The following LMO3 variants were observed in gnomAD, a reference collection of about 807,000 sequenced individuals.
LMO3 encodes LIM domain only 3.
In LMO3, 2 loss-of-function variants were observed where a neutral mutation model predicts 15.8. The ratio of observed to expected loss-of-function variants is 0.13; its 90% CI spans 0.05 to 0.40. LMO3 has a LOEUF of 0.40. LMO3 is among the 10% of genes least tolerant of loss of function. The probability of loss-of-function intolerance (pLI) is 0.99; values close to 1 mark genes in which losing one functional copy is unlikely to be tolerated. For missense variants in LMO3, 86 were observed against 182.2 expected, an observed-to-expected ratio of 0.47 and a Z score of 3.04; for synonymous variants, 62 against 63.8, an observed-to-expected ratio of 0.97 and a Z score of 0.13.
At position 16,551,207 on chromosome 12, in the gene LMO3, G is replaced by A. The variant is rs1337984048; in HGVS notation, c.*15C>T. ...ATGTAGTGCTTTGTATTCTTAATGGGGTGATGTTGATAGATCAGCGAACCT... is the reference window on the plus strand; with the variant it reads ...ATGTAGTGCTTTGTATTCTTAATGGAGTGATGTTGATAGATCAGCGAACCT... On this transcript the variant is annotated 3_prime_UTR_variant, in exon 4 of 4. Transcript: ENST00000537304. The A allele has an allele frequency of 6.9e-7, 1 of 1,451,112 alleles. No homozygotes were observed. The highest frequency in any genetic ancestry group is 1.4e-5 in the African/African-American group (1 of 71,710). 89.9% of individuals were successfully genotyped at this position (1,451,112 alleles called of 1,614,324 possible).
chr12:16,565,680 T>C (rs1235537065), intron 2 of LMO3, among the ~76,000 whole-genome samples: 1 of 152,040 alleles, frequency 6.6e-6, no homozygotes, highest in Non-Finnish European at 1.5e-5. Flanking sequence ...TCATGGATGA[T>C]TTTGAATTTT....
At chr12:16,551,699 G>A (rs1181750900) in intron 3 of LMO3, among the ~76,000 whole-genome samples, 1 of 151,680 alleles carries the variant, frequency 6.6e-6, no homozygotes, top group Non-Finnish European at 1.5e-5. Context: ...TTTCACTGCA[G>A]TAATTATGGA....
At chr12:16,558,655 A>G (rs1307734243) in intron 3 of LMO3, among the ~76,000 whole-genome samples, 1 of 152,154 alleles carries the variant, frequency 6.6e-6, no homozygotes, top group Non-Finnish European at 1.5e-5. Context: ...GAGTCAAGAC[A>G]TTGTAAGATA....
At chr12:16,558,965 T>TCA (rs1175066627) in intron 3 of LMO3, among the ~76,000 whole-genome samples, 1 of 152,146 alleles carries the variant, frequency 6.6e-6, no homozygotes. Context: ...ATACTCAAGA[T>TCA]CACACAGCTA....
intron 1 of LMO3, chr12:16,605,819 G>A: frequency 6.5e-7 from 1 of 1,535,290 alleles, no homozygotes; most frequent in South Asian, 1.2e-5. Flanking sequence ...AACATCTTCC[G>A]CCTGCATCTA....
chr12:16,604,642 G>A lies in LMO3; in HGVS notation c.-9+1424C>T, dbSNP rs1943929551. 3 of 572,958 alleles carry A rather than the reference G, an allele frequency of 5.2e-6. No homozygotes were observed. The South Asian group carries it at 6.8e-5, about 13-fold the overall frequency. 35.5% of individuals were successfully genotyped at this position (572,958 alleles called of 1,614,324 possible). ...GTTTATGCTCCAGCCTTTTGTGGTT[G>A]TGTCTTTGCAGCCACACAGGGATGG... On this transcript the variant is annotated intron_variant, in intron 1 of 3. Transcript: ENST00000537304. The surrounding 1 kb of genome is among the most constrained non-coding windows in gnomAD (Gnocchi z 5.3).
intron 2 of LMO3, among the ~76,000 whole-genome samples, chr12:16,580,829 C>T (rs1306342343): frequency 1.3e-5 from 2 of 152,074 alleles, no homozygotes; most frequent in Non-Finnish European, 2.9e-5. Flanking sequence ...CTTATAGTTG[C>T]TTTGCAATAA....
chr12:16,557,176 C>G (rs1942220949), intron 3 of LMO3, among the ~76,000 whole-genome samples: 1 of 152,034 alleles, frequency 6.6e-6, no homozygotes, highest in South Asian at 2.1e-4. Context: ...GGGTTTAGCA[C>G]TTGAATGTTT....
chr12:16,565,983 CATATATATATATATATAT>C (rs61358392), intron 2 of LMO3, among the ~76,000 whole-genome samples: 581 of 43,822 alleles, frequency 0.013, 9 homozygotes, highest in Middle Eastern at 0.022. Flanking sequence ...GAAAATGTGC[CATATATATATATATATAT>C]ATATATATAT....
chr12:16,549,732 C>T lies in LMO3; in HGVS notation c.*1490G>A, dbSNP rs1941916663. 1.3e-5 allele frequency: 2 copies of T among 152,022 alleles called. No individual in the cohort carries two copies. The highest frequency in any genetic ancestry group is 1.3e-4 in the Admixed American group (2 of 15,250). The allele number at this position is 152,022 out of a possible 1,614,324, so 9.4% of individuals were successfully genotyped here. On this transcript the variant is annotated 3_prime_UTR_variant, in exon 4 of 4. Transcript: ENST00000537304. ...AAATTAGATTTGTTGAAAAGTAGTT[C>T]TATTACAGGGAGCAAAAGCAAAGAA...
intron 2 of LMO3, among the ~76,000 whole-genome samples, chr12:16,571,913 T>C (rs773984577): frequency 6.6e-6 from 1 of 151,986 alleles, no homozygotes; most frequent in African/African-American, 2.4e-5. Flanking sequence ...GTATTTAAAA[T>C]ACATACACAT....
intron 2 of LMO3, among the ~76,000 whole-genome samples, chr12:16,579,844 T>C (rs758980358): frequency 3.4e-4 from 51 of 152,220 alleles, no homozygotes; most frequent in Non-Finnish European, 6.9e-4. Flanking sequence ...GACAATCTAA[T>C]TTTTCAACCT....
At position 16,560,552 on chromosome 12, in the gene LMO3, C is replaced by CT. The variant is rs764584553; in HGVS notation, c.207-15_207-14insA. On this transcript the variant is annotated splice_polypyrimidine_tract_variant and intron_variant, in intron 2 of 3. Transcript: ENST00000537304. This position sits in a 1 kb window ranked among gnomAD's most constrained non-coding sequence, Gnocchi z 5.0. ...ACACCAAAGAGCCTAGAATAAGAAA[C>CT]ATTTTTTTTTTTTTACAAACTCTTA... 6.4e-7 allele frequency: 1 copy of CT among 1,551,112 alleles called. No homozygotes were observed. The highest frequency in any genetic ancestry group is 8.7e-7 in the Non-Finnish European group (1 of 1,149,250).
intron 1 of LMO3, 49 bp from the exon 2 acceptor site, chr12:16,600,917 T>TA (rs1943802983): frequency 7.6e-7 from 1 of 1,308,000 alleles, no homozygotes; most frequent in African/African-American, 1.5e-5. Flanking sequence ...CCAGACAGAA[T>TA]AAAAAGACCT....
rs973379067 is a variant in LMO3, at chr12:16,559,962, AAAAAGC to A, written c.332+445_332+450del. On this transcript the variant is annotated intron_variant, in intron 3 of 3. Coordinates refer to ENST00000537304, the MANE Select transcript of LMO3 (RefSeq NM_018640.5). This position sits in a 1 kb window ranked among gnomAD's most constrained non-coding sequence, Gnocchi z 4.1. ...GTGACAGAACCAGACCTTGTATTTA[AAAAAGC>A]AAAAACAAAAACATGAGGGATAAGG... 6.6e-6 allele frequency among the ~76,000 whole-genome samples: 1 copy of A among 152,122 alleles called. No individual in the cohort carries two copies. The highest frequency in any genetic ancestry group is 2.4e-5 in the African/African-American group (1 of 41,438).
chr12:16,588,747 A>C (rs1943401282), intron 2 of LMO3, among the ~76,000 whole-genome samples: 1 of 152,108 alleles, frequency 6.6e-6, no homozygotes, highest in Admixed American at 6.6e-5. Flanking sequence ...TGCACACGAA[A>C]AGTTGGTAAA....
At chr12:16,562,536 C>T (rs1388501688) in intron 2 of LMO3, among the ~76,000 whole-genome samples, 1 of 152,154 alleles carries the variant, frequency 6.6e-6, no homozygotes, top group African/African-American at 2.4e-5. Context: ...GAATTTGTTT[C>T]CACACAAACC....
rs1591817535 is a variant in LMO3 at position 16,589,211 on chromosome 12, G to C, written c.206+11444C>G. Among the ~76,000 whole-genome samples the C allele has an allele frequency of 6.6e-6, 1 of 152,190 alleles. No individual in the cohort carries two copies. The highest frequency in any genetic ancestry group is 1.9e-4 in the East Asian group (1 of 5,178). On this transcript the variant is annotated intron_variant, in intron 2 of 3. Transcript: ENST00000537304. This position sits in a 1 kb window ranked among gnomAD's most constrained non-coding sequence, Gnocchi z 4.2. Reference sequence around the variant, plus strand: ...GTAACTTTTTATTTTTTAATGAAGTGATATTCACAGAAGATTATAACAACA... The same window carrying C: ...GTAACTTTTTATTTTTTAATGAAGTCATATTCACAGAAGATTATAACAACA...
intron 2 of LMO3, among the ~76,000 whole-genome samples, chr12:16,564,217 G>A (rs754493060): frequency 2.0e-5 from 3 of 152,048 alleles, no homozygotes; most frequent in Non-Finnish European, 2.9e-5. Context: ...GTAAGAACAC[G>A]GCCTACCTGT....
Sources: gnomAD v4.1 joint callset for allele counts (sites outside exome capture counted in the v4.1 genomes callset) on GRCh38, gnomAD v4.1.1 for gene constraint, Gnocchi (gnomAD v3.1) non-coding constraint, MANE v1.5 for transcripts, NCBI Gene and HGNC (gene_info 2026-07-23, HGNC 2026-07-21) for gene names.